SKAP2: variants seen among roughly 807,000 people sequenced by gnomAD.
The protein encoded by SKAP2 is src kinase associated phosphoprotein 2, also known as src kinase-associated phosphoprotein 2.
Under a neutral mutation model 54.9 loss-of-function variants are expected in SKAP2, and 28 were observed. The ratio of observed to expected loss-of-function variants is 0.51; its 90% CI spans 0.38 to 0.70. SKAP2 has a LOEUF of 0.70. SKAP2 is among the 30% of genes least tolerant of loss of function. The pLI is 0.00. For missense variants in SKAP2, 356 were observed against 424.1 expected, an observed-to-expected ratio of 0.84 and a Z score of 1.41; for synonymous variants, 137 against 134.3, an observed-to-expected ratio of 1.02 and a Z score of -0.14.
intron 9 of SKAP2, among the ~76,000 whole-genome samples, chr7:26,695,995 A>G (rs1460041672): frequency 1.3e-5 from 2 of 152,168 alleles, no homozygotes; most frequent in African/African-American, 2.4e-5. Flanking sequence ...CTTCTCTCCC[A>G]TGACCTGTGG....
chr7:26,685,114 C>A (rs1786601548), intron 10 of SKAP2, among the ~76,000 whole-genome samples: 2 of 152,088 alleles, frequency 1.3e-5, no homozygotes, highest in Non-Finnish European at 2.9e-5. Context: ...TATATGCTGT[C>A]ATCAAACCAG....
intron 6 of SKAP2, among the ~76,000 whole-genome samples, chr7:26,735,153 C>G (rs1168585524): frequency 6.6e-6 from 1 of 152,140 alleles, no homozygotes; most frequent in Non-Finnish European, 1.5e-5. Flanking sequence ...AAACTGTGAG[C>G]ACCTCTAAGG....
chr7:26,741,556 AAATAAATAAATAAATAAATAAATT>A (rs1413765913), intron 4 of SKAP2, among the ~76,000 whole-genome samples: 6 of 80,744 alleles, frequency 7.4e-5, no homozygotes, highest in African/African-American at 1.2e-4. Context: ...ATAAATAAAT[AAATAAATAAATAAATAAATAAATT>A]AATAAAATGA....
intron 11 of SKAP2, among the ~76,000 whole-genome samples, chr7:26,673,709 T>C (rs1370118835): frequency 2.0e-5 from 3 of 152,124 alleles, no homozygotes; most frequent in African/African-American, 7.2e-5. Flanking sequence ...AAGGCGGTAG[T>C]GAATGCTTGT....
intron 4 of SKAP2, among the ~76,000 whole-genome samples, chr7:26,820,377 CT>C (rs549516980): frequency 5.5e-4 from 84 of 152,222 alleles, no homozygotes; most frequent in African/African-American, 2.0e-3. Flanking sequence ...AACTACATAT[CT>C]TGGCTTTTTT....
At chr7:26,754,624 G>C (rs1276408631) in intron 4 of SKAP2, among the ~76,000 whole-genome samples, 1 of 152,100 alleles carries the variant, frequency 6.6e-6, no homozygotes, top group African/African-American at 2.4e-5. Context: ...GTTCAAATTA[G>C]AAACGTCAAA....
intron 4 of SKAP2, among the ~76,000 whole-genome samples, chr7:26,841,375 G>A (rs548422210): frequency 2.2e-4 from 34 of 151,440 alleles, no homozygotes; most frequent in African/African-American, 6.0e-4. Flanking sequence ...TGAAAACAAC[G>A]TACCTGGCAG....
At chr7:26,662,988 G>A (rs532313993), downstream of SKAP2, among the ~76,000 whole-genome samples, 12 of 152,150 alleles carry the variant, frequency 7.9e-5, no homozygotes, top group East Asian at 1.9e-3. Flanking sequence ...GACCACAAGC[G>A]CTTGACCTGG....
intron 9 of SKAP2, among the ~76,000 whole-genome samples, chr7:26,692,154 C>A (rs1028304560): frequency 6.0e-5 from 9 of 151,244 alleles, no homozygotes; most frequent in African/African-American, 1.5e-4. Flanking sequence ...GGTAAAGGAA[C>A]TAGAATGGAT....
chr7:26,707,377 T>C (rs557680672), intron 9 of SKAP2, among the ~76,000 whole-genome samples: 8 of 151,778 alleles, frequency 5.3e-5, no homozygotes, highest in Middle Eastern at 3.4e-3. Flanking sequence ...AAAAAAGAAG[T>C]AATTAATATT....
At chr7:26,812,546 C>T (rs1051953019) in intron 4 of SKAP2, among the ~76,000 whole-genome samples, 2 of 152,020 alleles carry the variant, frequency 1.3e-5, no homozygotes, top group African/African-American at 4.8e-5. Flanking sequence ...AAAAATCAAC[C>T]AATGGCAATT....
intron 3 of SKAP2, among the ~76,000 whole-genome samples, chr7:26,851,375 C>A (rs746026125): frequency 6.6e-6 from 1 of 151,782 alleles, no homozygotes; most frequent in Non-Finnish European, 1.5e-5. Flanking sequence ...GCATGGAAGG[C>A]GGAGGTTGCA....
chr7:26,799,069 ACAGGGCAAGGCAAGG>A, intron 4 of SKAP2, among the ~76,000 whole-genome samples: 1 of 151,182 alleles, frequency 6.6e-6, no homozygotes, highest in South Asian at 2.1e-4. Context: ...AGGGGCAGGG[ACAGGGCAAGGCAAGG>A]CAGGGCAGGG....
intron 4 of SKAP2, among the ~76,000 whole-genome samples, chr7:26,756,556 C>G (rs1281573400): frequency 6.6e-6 from 1 of 152,212 alleles, no homozygotes. Flanking sequence ...ATATGTGCCA[C>G]ATTTTCTTAA....
intron 9 of SKAP2, among the ~76,000 whole-genome samples, chr7:26,723,672 CTA>C (rs1787630573): frequency 6.6e-6 from 1 of 151,882 alleles, no homozygotes; most frequent in Admixed American, 6.6e-5. Flanking sequence ...ATGAAAATAA[CTA>C]TGAATATCTG....
At chr7:26,742,709 A>G (rs757908991) in intron 4 of SKAP2, among the ~76,000 whole-genome samples, 2 of 151,174 alleles carry the variant, frequency 1.3e-5, no homozygotes, top group Non-Finnish European at 3.0e-5. Context: ...GATTTGCTTA[A>G]TAGCCATATG....
intron 6 of SKAP2, among the ~76,000 whole-genome samples, chr7:26,729,082 A>C (rs568537843): frequency 6.6e-6 from 1 of 152,250 alleles, no homozygotes; most frequent in East Asian, 1.9e-4. Context: ...TTATCTAATA[A>C]TCTAGAAATA....
chr7:26,827,246 T>C (rs1784509782), intron 4 of SKAP2, among the ~76,000 whole-genome samples: 1 of 152,204 alleles, frequency 6.6e-6, no homozygotes, highest in South Asian at 2.1e-4. Flanking sequence ...GGCATGAAAT[T>C]ACTTTCTGAC....
chr7:26,740,752 G>A (rs1044389626), intron 4 of SKAP2, among the ~76,000 whole-genome samples: 23 of 152,046 alleles, frequency 1.5e-4, no homozygotes, highest in African/African-American at 4.3e-4. Context: ...TTTGGAGGCC[G>A]AGGCGGGTGG....
Sources: allele counts gnomAD v4.1 joint callset (sites outside exome capture counted in the v4.1 genomes callset), GRCh38; gene constraint gnomAD v4.1.1; transcripts MANE v1.5; gene names NCBI Gene and HGNC (gene_info 2026-07-23, HGNC 2026-07-21).